Variants in CUBN observed in about 807,000 individuals in gnomAD.
CUBN encodes cubilin.
CUBN carries 282 observed loss-of-function variants against 405.3 expected under a neutral mutation model. The observed-to-expected ratio is 0.70, with a 90% CI of 0.63 to 0.77. The LOEUF (loss-of-function observed/expected upper bound fraction) is 0.77, where lower values mean the gene tolerates loss of function less well. Ranked by LOEUF, CUBN falls within the 30% of genes least tolerant of loss-of-function variation. CUBN has a pLI of 0.00. For missense variants in CUBN, 4,514 were observed against 4,475.2 expected, an observed-to-expected ratio of 1.01 and a Z score of -0.25; for synonymous variants, 1,684 against 1,617.0, an observed-to-expected ratio of 1.04 and a Z score of -0.99.
intron 6 of CUBN, among the ~76,000 whole-genome samples, chr10:17,119,394 T>C (rs928519469): frequency 1.3e-5 from 2 of 152,192 alleles, no homozygotes; most frequent in East Asian, 3.8e-4. Context: ...GCACGGTGGC[T>C]CACGCCTGTA....
chr10:17,106,205 A>T (rs553567700), intron 10 of CUBN, among the ~76,000 whole-genome samples: 18 of 152,252 alleles, frequency 1.2e-4, no homozygotes, highest in African/African-American at 4.1e-4. Flanking sequence ...GAATCACTTG[A>T]ACCCAGGAGG....
At position 16,915,947 on chromosome 10, in the gene CUBN, A is replaced by G; in HGVS notation, c.7084T>C (p.Phe2362Leu). 6.2e-7 allele frequency: 1 copy of G among 1,614,138 alleles called. No individual in the cohort carries two copies. The change falls in exon 46 of 67, where the codon TTC becomes CTC. Residue 2362 changes from phenylalanine (F) to leucine (L), a missense_variant. Coordinates refer to ENST00000377833, the MANE Select transcript of CUBN (RefSeq NM_001081.4). ...HPTLPYRDNL[F>L]CEWHLQGLSG... is the part of the protein sequence containing the mutation. ...AGCCCCTGGAGATGCCACTCACAGAATAAGTTGTCTCTGTATGGAAGTGTT... is the reference window on the plus strand; with the variant it reads ...AGCCCCTGGAGATGCCACTCACAGAGTAAGTTGTCTCTGTATGGAAGTGTT...
chr10:16,915,774 A>G, intron 46 of CUBN, 47 bp downstream of exon 46: 3 of 1,481,820 alleles, frequency 2.0e-6, no homozygotes, highest in Non-Finnish European at 1.9e-6. Context: ...CTGAATAAGT[A>G]CATGTGAAAA....
chr10:16,980,729 A>T (rs1833245441), intron 31 of CUBN, among the ~76,000 whole-genome samples: 1 of 152,112 alleles, frequency 6.6e-6, no homozygotes, highest in African/African-American at 2.4e-5. Context: ...ATTAGGAGAA[A>T]TACCTTATGT....
intron 22 of CUBN, among the ~76,000 whole-genome samples, 192 bp from the exon 23 acceptor site, chr10:17,047,795 A>C (rs943219816): frequency 1.3e-5 from 2 of 152,110 alleles, no homozygotes; most frequent in African/African-American, 4.8e-5. Context: ...TACCAACACT[A>C]AATCTAAGCT....
chr10:17,012,228 T>C (rs1834205253), intron 28 of CUBN, among the ~76,000 whole-genome samples: 1 of 152,148 alleles, frequency 6.6e-6, no homozygotes, highest in Admixed American at 6.5e-5. Flanking sequence ...AGGCAAGTAA[T>C]AGCAAGATGG....
intron 6 of CUBN, 90 bp from the exon 7 acceptor site, chr10:17,115,687 A>G (rs1156692242): frequency 6.7e-7 from 1 of 1,486,550 alleles, no homozygotes; most frequent in African/African-American, 1.4e-5. Flanking sequence ...AATTCAAATT[A>G]CAAATCAACG....
At chr10:16,891,436 AAGAG>A (rs1055052111) in intron 54 of CUBN, among the ~76,000 whole-genome samples, 4 of 152,072 alleles carry the variant, frequency 2.6e-5, no homozygotes, top group African/African-American at 9.7e-5. Flanking sequence ...TAGTTCAGAG[AAGAG>A]AGAGAAAACC....
chr10:16,895,656 T>A (rs1841160724), intron 54 of CUBN, among the ~76,000 whole-genome samples: 1 of 152,242 alleles, frequency 6.6e-6, no homozygotes, highest in Non-Finnish European at 1.5e-5. Context: ...TTCCTCTTTT[T>A]CTGTTGTAAT....
At chr10:16,962,891 A>G (rs1453632187) in intron 31 of CUBN, among the ~76,000 whole-genome samples, 5 of 152,096 alleles carry the variant, frequency 3.3e-5, no homozygotes, top group Middle Eastern at 3.2e-3. Context: ...TTAAGCTGGT[A>G]AGTTCTGGGG....
chr10:16,966,251 C>T (rs1303491844), intron 31 of CUBN, among the ~76,000 whole-genome samples: 1 of 152,198 alleles, frequency 6.6e-6, no homozygotes, highest in Non-Finnish European at 1.5e-5. Flanking sequence ...GGATTCCCAG[C>T]ATGGCTCACT....
In CUBN at chr10:16,900,728, G is replaced by A. The variant is rs953617551; in HGVS notation, c.8307C>T (p.Pro2769=). The change falls in exon 53 of 67, where the codon CCC becomes CCT. Residue 2769 remains proline, a synonymous_variant. Transcript: ENST00000377833. ...GATTGGAACCTGACTGTATTGTCCT[G>A]GGGTTTGAATTTCCACAGTATTGTC... is the stretch of plus-strand genomic sequence containing the variant. ...IIGQYCGNSN[P]RTIQSGSNQL... 3 of 1,613,988 alleles carry A rather than the reference G, an allele frequency of 1.9e-6. No individual in the cohort carries two copies. The African/African-American group carries it at 4.0e-5, about 22-fold the overall frequency.
At chr10:16,954,181 C>A (rs956911411) in intron 32 of CUBN, among the ~76,000 whole-genome samples, 1 of 152,114 alleles carries the variant, frequency 6.6e-6, no homozygotes, top group Non-Finnish European at 1.5e-5. Context: ...GTTAGAGATG[C>A]GGGTCCAAAG....
At position 16,952,133 on chromosome 10, in the gene CUBN, C is replaced by T. The variant is rs1737839714; in HGVS notation, c.4969+143G>A. The T allele has an allele frequency of 8.9e-6, 6 of 676,570 alleles. No individual in the cohort carries two copies. In the Admixed American group the frequency reaches 1.2e-4, roughly 14 times the overall value. The allele number at this position is 676,570 out of a possible 1,614,324, so 41.9% of individuals were successfully genotyped here. ...AGATTAGGAAATGCTTGTTCTTAAGCACATCAGGAATTGGGACTTGCAAAA... is the reference window on the plus strand; with the variant it reads ...AGATTAGGAAATGCTTGTTCTTAAGTACATCAGGAATTGGGACTTGCAAAA... On this transcript the variant is annotated intron_variant, in intron 33 of 66. Transcript: ENST00000377833.
rs542437766 is a variant in CUBN, at chr10:16,891,975, A to T, written c.8599-1448T>A. On this transcript the variant is annotated intron_variant, in intron 54 of 66. Transcript: ENST00000377833. ...GGATGTGTATTAATCTTACTTGACT[A>T]TTCAACATTTTCTTCACATGGAATG... Among the ~76,000 whole-genome samples, 55 of 152,286 alleles carry T rather than the reference A, an allele frequency of 3.6e-4. No homozygotes were observed. The South Asian group carries it at 7.5e-3, about 21-fold the overall frequency.
At chr10:17,025,212 G>A (rs139460368) in intron 27 of CUBN, among the ~76,000 whole-genome samples, 164 of 152,284 alleles carry the variant, frequency 1.1e-3, no homozygotes, top group Non-Finnish European at 2.0e-3. Flanking sequence ...TCTACTCAAT[G>A]AAAAGATGAT....
intron 30 of CUBN, 74 bp from the exon 31 acceptor site, chr10:16,982,727 T>C (rs763009651): frequency 4.3e-5 from 56 of 1,313,116 alleles, no homozygotes; most frequent in African/African-American, 1.2e-4. Context: ...CCTGGTTGTA[T>C]AGATCAATAC....
At chr10:16,839,459 G>A (rs2131317520) in intron 62 of CUBN, among the ~76,000 whole-genome samples, 1 of 151,688 alleles carries the variant, frequency 6.6e-6, no homozygotes, top group Non-Finnish European at 1.5e-5. Flanking sequence ...AAAGACACAT[G>A]AAAAAATGCT....
At position 16,851,423 on chromosome 10, in the gene CUBN, C is replaced by G; in HGVS notation, c.9475G>C (p.Gly3159Arg). The G allele has an allele frequency of 1.9e-6, 3 of 1,614,126 alleles. No individual in the cohort carries two copies. The highest frequency in any genetic ancestry group is 2.5e-6 in the Non-Finnish European group (3 of 1,180,014). Residue 3159 changes from glycine (G) to arginine (R), a missense_variant, in exon 60 of 67, where the codon GGT (glycine) becomes CGT (arginine). Physicochemically the swap from Gly to Arg is moderately radical, Grantham distance 125 (BLOSUM62 -2). Transcript: ENST00000377833. ...QTLGPQQGCG[G>R]YLTGSNNTFA... Reference sequence around the variant, plus strand: ...GTATTATTCGAGCCTGTCAGATAACCACCACATCCTTGCTGAGGCCCTGCA... The same window carrying G: ...GTATTATTCGAGCCTGTCAGATAACGACCACATCCTTGCTGAGGCCCTGCA...
Sources: allele counts gnomAD v4.1 joint callset (sites outside exome capture counted in the v4.1 genomes callset), GRCh38; gene constraint gnomAD v4.1.1; transcripts MANE v1.5; gene names NCBI Gene and HGNC (gene_info 2026-07-23, HGNC 2026-07-21).